STK38L: variants seen among roughly 807,000 people sequenced by gnomAD.
The protein encoded by STK38L is serine/threonine kinase 38 like.
STK38L carries 28 observed loss-of-function variants against 59.7 expected under a neutral mutation model. The observed-to-expected ratio is 0.47, with a 90% CI of 0.35 to 0.64. STK38L has a LOEUF of 0.64. Ranked by LOEUF, STK38L falls within the 30% of genes least tolerant of loss-of-function variation. The pLI, the probability that STK38L is intolerant of heterozygous loss-of-function variation, is 0.01. For missense variants in STK38L, 314 were observed against 555.8 expected, an observed-to-expected ratio of 0.56 and a Z score of 4.37; for synonymous variants, 162 against 176.8, an observed-to-expected ratio of 0.92 and a Z score of 0.66.
chr12:27,302,836 G>A (rs915908013), intron 3 of STK38L, among the ~76,000 whole-genome samples: 1 of 151,320 alleles, frequency 6.6e-6, no homozygotes, highest in Non-Finnish European at 1.5e-5. Flanking sequence ...GTGAAACCCC[G>A]TCACTGCTAA....
intron 1 of STK38L, among the ~76,000 whole-genome samples, chr12:27,255,230 A>G (rs538468209): frequency 6.6e-6 from 1 of 152,328 alleles, no homozygotes; most frequent in South Asian, 2.1e-4. Context: ...TTTTTACCGT[A>G]GTAAAACTGC....
At chr12:27,314,401 C>CAAAAAAAAAAAAAAAAAAAAAAAAAAA (rs35096255) in intron 6 of STK38L, 103 bp from the exon 7 acceptor site, 1 of 628,332 alleles carries the variant, frequency 1.6e-6, no homozygotes. Context: ...ACTCTGTCTC[C>CAAAAAAAAAAAAAAAAAAAAAAAAAAA]AAAAAAAAAA....
rs1944759320 is a variant in STK38L at position 27,322,662 on chromosome 12, AT to A, written c.*212del. On this transcript the variant is annotated 3_prime_UTR_variant, in exon 14 of 14. Transcript: ENST00000389032. ...TGGCTCTTTTTTTTAATATTTTATT[AT>A]TTTTGTTAACTTTATTATATGAAGG... The A allele has an allele frequency of 2.0e-6, 1 of 491,058 alleles. No homozygotes were observed. Among genetic ancestry groups the A allele is most frequent in the African/African-American group, 2.0e-5 (1 of 49,826 alleles). The allele number at this position is 491,058 out of a possible 1,614,324, so 30.4% of individuals were successfully genotyped here.
At chr12:27,269,056 C>G (rs2136616206) in intron 1 of STK38L, among the ~76,000 whole-genome samples, 1 of 152,046 alleles carries the variant, frequency 6.6e-6, no homozygotes, top group Non-Finnish European at 1.5e-5. Context: ...AAATTTTTTC[C>G]CATTCTGTAG....
At chr12:27,282,740 A>G (rs948298197) in intron 1 of STK38L, among the ~76,000 whole-genome samples, 1 of 152,192 alleles carries the variant, frequency 6.6e-6, no homozygotes. Context: ...GAAAGAGTGC[A>G]TAGTCTGAGA....
At chr12:27,315,597 A>G (rs1426307539) in intron 9 of STK38L, among the ~76,000 whole-genome samples, 2 of 152,208 alleles carry the variant, frequency 1.3e-5, no homozygotes, top group Non-Finnish European at 2.9e-5. Context: ...GCTGTTTACT[A>G]GTAATTAGCA....
intron 1 of STK38L, among the ~76,000 whole-genome samples, chr12:27,249,529 G>A (rs981638734): frequency 6.6e-6 from 1 of 151,976 alleles, no homozygotes; most frequent in Non-Finnish European, 1.5e-5. Context: ...GTAGAGATGG[G>A]GTTTCACCAT....
chr12:27,312,122 A>C (rs991521519), intron 5 of STK38L, among the ~76,000 whole-genome samples: 1 of 151,046 alleles, frequency 6.6e-6, no homozygotes, highest in Non-Finnish European at 1.5e-5. Flanking sequence ...CTCGTGATCC[A>C]CCTGCCCTGG....
chr12:27,306,989 A>G (rs1944333643), intron 3 of STK38L, among the ~76,000 whole-genome samples: 1 of 152,088 alleles, frequency 6.6e-6, no homozygotes, highest in Non-Finnish European at 1.5e-5. Flanking sequence ...TCGGCCTCCC[A>G]AAGTGCTGGG....
At chr12:27,278,152 TG>T (rs1943577714) in intron 1 of STK38L, among the ~76,000 whole-genome samples, 1 of 152,268 alleles carries the variant, frequency 6.6e-6, no homozygotes, top group African/African-American at 2.4e-5. Flanking sequence ...TGCTTGCTTA[TG>T]GGATCTTTGC....
chr12:27,317,735 G>T, intron 10 of STK38L, 161 bp from the exon 11 acceptor site: 1 of 898,742 alleles, frequency 1.1e-6, no homozygotes. Flanking sequence ...TTATTTTATT[G>T]ACTTTATTAG....
rs554265838 is a variant in STK38L at position 27,320,942 on chromosome 12, A to G, written c.1176-1201A>G. ...CTATGCTGTATAATACTATACACAC[A>G]TAACTTAATTGAATAGAACTAGAAT... On this transcript the variant is annotated intron_variant, in intron 12 of 13. Coordinates refer to ENST00000389032, the MANE Select transcript of STK38L (RefSeq NM_015000.4). Among the ~76,000 whole-genome samples, 6 of 152,218 alleles carry G rather than the reference A, an allele frequency of 3.9e-5. No homozygotes were observed. The South Asian group carries it at 6.2e-4, about 16-fold the overall frequency.
chr12:27,273,032 A>G (rs993857087), intron 1 of STK38L, among the ~76,000 whole-genome samples: 1 of 152,172 alleles, frequency 6.6e-6, no homozygotes, highest in Non-Finnish European at 1.5e-5. Flanking sequence ...TGATTGTGTC[A>G]GAAATACTTA....
In STK38L at chr12:27,317,901, CCACCTTTCTGCTCTGAAA is replaced by C; in HGVS notation, c.967_984del (p.Phe323_Pro328del). 1 of 1,613,542 alleles carries C rather than the reference CCACCTTTCTGCTCTGAAA, an allele frequency of 6.2e-7. No individual in the cohort carries two copies. Among genetic ancestry groups the C allele is most frequent in the Non-Finnish European group, 8.5e-7 (1 of 1,179,808 alleles). On this transcript the variant is annotated inframe_deletion, in exon 11 of 14. Coordinates refer to ENST00000389032, the MANE Select transcript of STK38L (RefSeq NM_015000.4). ...TTGATTTATTTGATACATAGGATAT[CCACCTTTCTGCTCTGAAA>C]CACCTCAAGAAACGTACAGAAAAGT...
At position 27,312,508 on chromosome 12, in the gene STK38L, A is replaced by G. The variant is rs773900950; in HGVS notation, c.394-41A>G. On this transcript the variant is annotated intron_variant, in intron 5 of 13. Coordinates refer to ENST00000389032, the MANE Select transcript of STK38L (RefSeq NM_015000.4). ...AAGAGATGAGTTTAACAAATGTGTG[A>G]TGTATTTACAATTATTTTTTTCAAA... The G allele has an allele frequency of 2.5e-6, 4 of 1,602,994 alleles. No homozygotes were observed. In the East Asian group the frequency reaches 8.9e-5, roughly 36 times the overall value.
At chr12:27,293,041 T>A (rs1365770521) in intron 1 of STK38L, among the ~76,000 whole-genome samples, 4 of 152,216 alleles carry the variant, frequency 2.6e-5, no homozygotes, top group African/African-American at 9.6e-5. Flanking sequence ...AGCCTTGAAC[T>A]CCCAGGCTCA....
chr12:27,258,758 T>C (rs1943142680), intron 1 of STK38L, among the ~76,000 whole-genome samples: 1 of 152,256 alleles, frequency 6.6e-6, no homozygotes, highest in Admixed American at 6.5e-5. Flanking sequence ...CTGTTAAAAT[T>C]GTTTTAGATC....
rs541851495 is a variant in STK38L at position 27,281,488 on chromosome 12, TC to T, written c.-11-16220del. ...GGTTCACATCCCTGCTCTGACGTTT[TC>T]CAGTTGAGAGGCCTCTGGTAAATAA... On this transcript the variant is annotated intron_variant, in intron 1 of 13. Transcript: ENST00000389032. Among the ~76,000 whole-genome samples, 27 of 152,320 alleles carry T rather than the reference TC, an allele frequency of 1.8e-4. No homozygotes were observed. In the South Asian group the frequency reaches 5.6e-3, roughly 32 times the overall value.
chr12:27,309,943 A>G (rs1426802648), intron 5 of STK38L, among the ~76,000 whole-genome samples: 1 of 152,188 alleles, frequency 6.6e-6, no homozygotes, highest in African/African-American at 2.4e-5. Flanking sequence ...CTGTGCCTTA[A>G]TGCAGTTACA....
Sources: gnomAD v4.1 joint callset for allele counts (sites outside exome capture counted in the v4.1 genomes callset) on GRCh38, gnomAD v4.1.1 for gene constraint, MANE v1.5 for transcripts, NCBI Gene and HGNC (gene_info 2026-07-23, HGNC 2026-07-21) for gene names.